The following ABLIM1 variants were observed in gnomAD, a reference collection of about 807,000 sequenced individuals.
The protein encoded by ABLIM1 is actin binding LIM protein 1.
ABLIM1 carries 40 observed loss-of-function variants against 107.0 expected under a neutral mutation model. The ratio of observed to expected loss-of-function variants is 0.37; its 90% confidence interval spans 0.29 to 0.49. ABLIM1 has a LOEUF of 0.49. Ranked by LOEUF, ABLIM1 falls within the 20% of genes least tolerant of loss-of-function variation. ABLIM1 has a pLI of 0.97. For synonymous variants in ABLIM1, 357 were observed against 357.3 expected (o/e 1.00, Z 0.01); for missense variants, 857 against 1,008.5 (o/e 0.85, Z 2.04).
At chr10:114,640,907 T>G (rs2078716594) in intron 1 of ABLIM1, among the ~76,000 whole-genome samples, 1 of 152,174 alleles carries the variant, frequency 6.6e-6, no homozygotes, top group Non-Finnish European at 1.5e-5. Context: ...GTCCCACCTT[T>G]TCCTTTTGCA....
At chr10:114,539,263 C>G (rs2066369555) in intron 6 of ABLIM1, among the ~76,000 whole-genome samples, 1 of 152,148 alleles carries the variant, frequency 6.6e-6, no homozygotes, top group Non-Finnish European at 1.5e-5. Context: ...GAGGGTGAGA[C>G]AGGCGAATCA....
At chr10:114,676,339 T>C (rs1353911828) in intron 1 of ABLIM1, among the ~76,000 whole-genome samples, 5 of 151,794 alleles carry the variant, frequency 3.3e-5, no homozygotes, top group African/African-American at 4.8e-5. Context: ...TAGCTGGGTG[T>C]GGTGGTGCGT....
chr10:114,728,358 C>G (rs991722939), intron 1 of ABLIM1, among the ~76,000 whole-genome samples: 1 of 152,030 alleles, frequency 6.6e-6, no homozygotes, highest in African/African-American at 2.4e-5. Context: ...CCCAATAGTT[C>G]CTCTCTGTTT....
intron 2 of ABLIM1, among the ~76,000 whole-genome samples, chr10:114,587,596 G>T (rs995112183): frequency 6.6e-6 from 1 of 152,062 alleles, no homozygotes; most frequent in African/African-American, 2.4e-5. Flanking sequence ...GGAGCATCAC[G>T]GTTCCATTTA....
chr10:114,725,116 T>A (rs2081929552), intron 1 of ABLIM1, among the ~76,000 whole-genome samples: 1 of 152,128 alleles, frequency 6.6e-6, no homozygotes, highest in East Asian at 1.9e-4. Context: ...AAACTAGCAT[T>A]TAAGAGTGTA....
intron 2 of ABLIM1, among the ~76,000 whole-genome samples, chr10:114,580,980 C>T (rs1689168495): frequency 2.0e-5 from 3 of 152,140 alleles, no homozygotes; most frequent in Admixed American, 1.3e-4. Context: ...TTAAAACATT[C>T]CCCACTCAAG....
intron 2 of ABLIM1, among the ~76,000 whole-genome samples, chr10:114,597,563 A>AAAAGG (rs1434798510): frequency 6.6e-6 from 1 of 152,140 alleles, no homozygotes; most frequent in Non-Finnish European, 1.5e-5. Context: ...AGAAGGGAAG[A>AAAAGG]AAAGGAAAGG....
chr10:114,745,476 G>T (rs2082365101), intron 1 of ABLIM1, among the ~76,000 whole-genome samples: 1 of 152,206 alleles, frequency 6.6e-6, no homozygotes. Flanking sequence ...CAGGATAATC[G>T]CTGGAACCTG....
At chr10:114,786,794 G>T in the ABLIM1 span, among the ~76,000 whole-genome samples, 1 of 152,210 alleles carries the variant, frequency 6.6e-6, no homozygotes, top group Non-Finnish European at 1.5e-5. Context: ...CCTTCACTCA[G>T]TGCTCAATGG....
chr10:114,512,599 C>T lies in ABLIM1; in HGVS notation c.895-20721G>A, dbSNP rs570637122. On this transcript the variant is annotated intron_variant, in intron 6 of 22. Coordinates refer to ENST00000533213, the MANE Select transcript of ABLIM1 (RefSeq NM_002313.7). ...CAGCACTTTAGGAGGCCGAGGAGGA[C>T]GGATCACTTGAGGTCAGGAGTTCAA... Among the ~76,000 whole-genome samples the T allele has an allele frequency of 1.7e-4, 26 of 152,020 alleles. No homozygotes were observed. The South Asian group carries it at 2.1e-3, about 12-fold the overall frequency.
intron 6 of ABLIM1, chr10:114,526,647 A>G: frequency 4.1e-6 from 4 of 985,510 alleles, no homozygotes; most frequent in Non-Finnish European, 4.8e-6. Context: ...ACCTTGTGCA[A>G]TGTCCGCTTT....
chr10:114,547,800 G>A (rs1565899065), intron 4 of ABLIM1, 24 bp from the exon 5 acceptor site: 2 of 1,602,728 alleles, frequency 1.2e-6, no homozygotes, highest in East Asian at 2.2e-5. Context: ...GCCGCCAGTG[G>A]TTACTACACA....
chr10:114,785,653 A>C, the ABLIM1 span, among the ~76,000 whole-genome samples: 1 of 152,198 alleles, frequency 6.6e-6, no homozygotes, highest in Non-Finnish European at 1.5e-5. Context: ...TTTTTGGATT[A>C]TAATTTTATA....
chr10:114,543,423 T>C (rs2066934024), intron 6 of ABLIM1, among the ~76,000 whole-genome samples: 1 of 152,256 alleles, frequency 6.6e-6, no homozygotes, highest in South Asian at 2.1e-4. Flanking sequence ...TATGTGGCTT[T>C]TTGTGGCTGG....
intron 1 of ABLIM1, among the ~76,000 whole-genome samples, chr10:114,628,384 A>G (rs2077955450): frequency 6.6e-6 from 1 of 152,250 alleles, no homozygotes; most frequent in African/African-American, 2.4e-5. Flanking sequence ...TACAATGCAC[A>G]AGACAGAATC....
At chr10:114,680,199 C>A (rs968883107) in intron 1 of ABLIM1, among the ~76,000 whole-genome samples, 1 of 152,196 alleles carries the variant, frequency 6.6e-6, no homozygotes, top group African/African-American at 2.4e-5. Context: ...GCGGGAGGCA[C>A]TGTGCCATGA....
At chr10:114,674,890 A>G (rs951609547) in intron 1 of ABLIM1, among the ~76,000 whole-genome samples, 9 of 152,112 alleles carry the variant, frequency 5.9e-5, no homozygotes, top group Non-Finnish European at 1.2e-4. Flanking sequence ...AGTTTGTGGG[A>G]GGCTGGATCT....
At chr10:114,516,051 G>A (rs751262729) in intron 6 of ABLIM1, among the ~76,000 whole-genome samples, 2 of 152,046 alleles carry the variant, frequency 1.3e-5, no homozygotes, top group Admixed American at 6.5e-5. Context: ...TGTCCCTTGC[G>A]ACCAAAGCCA....
intron 4 of ABLIM1, among the ~76,000 whole-genome samples, chr10:114,565,784 A>ATTTT (rs1591259635): frequency 1.1e-4 from 8 of 74,574 alleles, no homozygotes; most frequent in African/African-American, 2.1e-4. Context: ...ATCTGAAATG[A>ATTTT]TTTCTTTTTT....
Sources: gnomAD v4.1 joint callset for allele counts (sites outside exome capture counted in the v4.1 genomes callset) on GRCh38, gnomAD v4.1.1 for gene constraint, MANE v1.5 for transcripts, NCBI Gene and HGNC (gene_info 2026-07-23, HGNC 2026-07-21) for gene names.